The following KARS1 variants were observed in gnomAD, a reference collection of about 807,000 sequenced individuals.
KARS1 encodes the protein lysyl-tRNA synthetase 1, also known as lysine--tRNA ligase.
Under a neutral mutation model 63.9 loss-of-function variants are expected in KARS1, and 50 were observed. The ratio of observed to expected loss-of-function variants is 0.78; its 90% CI spans 0.62 to 0.99. The LOEUF (loss-of-function observed/expected upper bound fraction) is 0.99. Among genes scored for constraint, KARS1 ranks in the 50% least tolerant of loss-of-function variants. KARS1 has a pLI of 0.00. For missense variants in KARS1, 816 were observed against 754.5 expected (o/e 1.08, Z -0.95); for synonymous variants, 320 against 264.6 (o/e 1.21, Z -2.03).
Position 75,647,621 on chromosome 16 carries a change from C to A in KARS1, c.19G>T (p.Ala7Ser). The change falls in exon 1 of 14, where the codon GCC (alanine) becomes TCC (serine). Residue 7 changes from alanine to serine, a missense_variant. Physicochemically the swap from Ala to Ser is moderately conservative, Grantham distance 99. Coordinates refer to ENST00000302445, the MANE Select transcript of KARS1 (RefSeq NM_005548.3). ...TCGCTGCCATCCACTTTCACCTCGG[C>A]CGCCTGCACGGCCGCCATCTTCCCG... is the stretch of plus-strand genomic sequence containing the variant. MAAVQA[A>S]EVKVDGSEPK... 6.2e-7 allele frequency: 1 copy of A among 1,613,718 alleles called. No individual in the cohort carries two copies. The highest frequency in any genetic ancestry group is 8.5e-7 in the Non-Finnish European group (1 of 1,179,854).
chr16:75,633,115 G>C (rs4888441), intron 7 of KARS1, among the ~76,000 whole-genome samples: 61,021 of 151,954 alleles, frequency 0.4, 15,487 homozygotes, highest in East Asian at 0.84. Context: ...CCTCTCTTAC[G>C]ATGTTAATTA....
In KARS1 at chr16:75,640,352, G is replaced by GT. The variant is rs751523285; in HGVS notation, c.223-4dup. 2.9e-6 allele frequency: 4 copies of GT among 1,358,202 alleles called. No homozygotes were observed. The highest frequency in any genetic ancestry group is 2.0e-5 in the Admixed American group (1 of 49,814). The allele number at this position is 1,358,202 out of a possible 1,614,324, so 84.1% of individuals were successfully genotyped here. A position where few individuals can be genotyped will look rare whatever the true frequency, so the allele number is the denominator to read the frequency against. ...TGACTGCGGATTTTGTAGTATTGCT[G>GT]TTAAAAAAAAAAAAAAAAAAGCCCT... On this transcript the variant is annotated splice_polypyrimidine_tract_variant and splice_region_variant and intron_variant, in intron 2 of 13. Transcript: ENST00000302445.
rs1344718870 is a variant in KARS1 at position 75,631,702 on chromosome 16, T to C, written c.1069A>G (p.Met357Val). The change falls in exon 8 of 14, where the codon ATG becomes GTG. Residue 357 changes from methionine (M) to valine (V), a missense_variant. Coordinates refer to ENST00000302445, the MANE Select transcript of KARS1 (RefSeq NM_005548.3). ...AGAGAGCAGGAGTCACCTGAAACCATCTTCTCCGTGATTTCCATGAGATCG... is the reference window on the plus strand; with the variant it reads ...AGAGAGCAGGAGTCACCTGAAACCACCTTCTCCGTGATTTCCATGAGATCG... ...YHDLMEITEK[M>V]VSGMVKHITG... 2.5e-6 allele frequency: 4 copies of C among 1,614,154 alleles called. No individual in the cohort carries two copies. Among genetic ancestry groups the C allele is most frequent in the South Asian group, 2.2e-5 (2 of 91,078 alleles).
chr16:75,641,092 C>T (rs566811931), intron 2 of KARS1, among the ~76,000 whole-genome samples: 22 of 152,018 alleles, frequency 1.4e-4, no homozygotes, highest in South Asian at 4.2e-4. Flanking sequence ...TCACTTGAAC[C>T]GGGGAGGCGG....
intron 3 of KARS1, among the ~76,000 whole-genome samples, chr16:75,636,952 TTTTTTTTG>T (rs2082169103): frequency 1.5e-5 from 2 of 130,618 alleles, no homozygotes; most frequent in Admixed American, 1.6e-4. Context: ...CATTTTTTTT[TTTTTTTTG>T]GTCAGGGCAC....
chr16:75,635,802 T>C lies in KARS1; in HGVS notation c.673A>G (p.Thr225Ala), dbSNP rs1256756103. Residue 225 changes from threonine to alanine, a missense_variant, in exon 6 of 14, where the codon ACA becomes GCA. Thr to Ala is a moderately conservative substitution (Grantham distance 58, BLOSUM62 0). Transcript: ENST00000302445. ...HLHFGLKDKE[T>A]RYRQRYLDLI... ...TCCAAGTATCTCTGGCGATACCTTG[T>C]TTCCTAAACCAAAAGCAGCAGTTAG... 5.6e-6 allele frequency: 9 copies of C among 1,614,108 alleles called. No homozygotes were observed. The highest frequency in any genetic ancestry group is 6.8e-6 in the Non-Finnish European group (8 of 1,180,044).
chr16:75,645,157 C>T (rs1194539205), intron 1 of KARS1, among the ~76,000 whole-genome samples: 1 of 152,172 alleles, frequency 6.6e-6, no homozygotes, highest in African/African-American at 2.4e-5. Context: ...CTAAAAATTT[C>T]AGACCAAGGA....
At chr16:75,634,472 A>T (rs966580606) in intron 6 of KARS1, among the ~76,000 whole-genome samples, 180 bp from the exon 7 acceptor site, 30 of 152,238 alleles carry the variant, frequency 2.0e-4, no homozygotes, top group African/African-American at 7.2e-4. Flanking sequence ...ACAGTGTCTC[A>T]ATTTCTATTA....
intron 1 of KARS1, chr16:75,644,609 C>T (rs1007172437): frequency 2.7e-5 from 14 of 523,298 alleles, no homozygotes; most frequent in African/African-American, 2.5e-4. Context: ...TGATAGCAAC[C>T]CTGTAACACT....
At chr16:75,641,814 C>T (rs948072585) in intron 1 of KARS1, 91 bp from the exon 2 acceptor site, 23 of 1,340,654 alleles carry the variant, frequency 1.7e-5, no homozygotes, top group African/African-American at 2.9e-5. Context: ...CATGAATCGC[C>T]CAGGAGAAAC....
In KARS1 at chr16:75,640,334, G is replaced by A. The variant is rs1301615993; in HGVS notation, c.238C>T (p.Arg80Cys). ...TTCAGCTGATGAATTGCTTGACTGC[G>A]GATTTTGTAGTATTGCTGTTAAAAA... ...SVDPNQYYKI[R>C]SQAIHQLKVN... Residue 80 changes from arginine (R) to cysteine (C), a missense_variant, in exon 3 of 14, where the codon CGC becomes TGC. Transcript: ENST00000302445. 9.9e-6 allele frequency: 16 copies of A among 1,612,136 alleles called. No homozygotes were observed. Among genetic ancestry groups the A allele is most frequent in the Non-Finnish European group, 1.1e-5 (13 of 1,179,760 alleles).
At position 75,635,675 on chromosome 16, in the gene KARS1, C is replaced by G; in HGVS notation, c.795+5G>C. The G allele has an allele frequency of 1.9e-6, 3 of 1,613,756 alleles. No homozygotes were observed. The highest frequency in any genetic ancestry group is 4.5e-5 in the East Asian group (2 of 44,880). On this transcript the variant is annotated splice_donor_5th_base_variant and intron_variant, in intron 6 of 13. Coordinates refer to ENST00000302445, the MANE Select transcript of KARS1 (RefSeq NM_005548.3). ...TCATCACGTCAGGCAAGGAACTCTC[C>G]TTACCTCTAGGAATCCCAGCTCATC...
intron 10 of KARS1, among the ~76,000 whole-genome samples, chr16:75,630,865 C>T: frequency 6.6e-6 from 1 of 152,028 alleles, no homozygotes; most frequent in East Asian, 1.9e-4. Flanking sequence ...GAACTCCTGA[C>T]CTCAGGTGAT....
intron 11 of KARS1, 86 bp downstream of exon 11, chr16:75,630,337 A>G (rs2082097988): frequency 2.3e-6 from 2 of 885,008 alleles, no homozygotes; most frequent in Admixed American, 3.8e-5. Context: ...AAAGACCACC[A>G]GTCAAACCAC....
chr16:75,630,458 A>G lies in KARS1; in HGVS notation c.1389T>C (p.Cys463=), dbSNP rs1379738704. The G allele has an allele frequency of 2.5e-6, 4 of 1,611,822 alleles. No homozygotes were observed. The highest frequency in any genetic ancestry group is 1.3e-5 in the African/African-American group (1 of 74,894). ...AAGGGCTCATTATCTGTGGGTGATC[A>G]CAGATGAATGTAGGATTGATGCAAG... ...EVTCINPTFI[C]DHPQIMSPLA... The change falls in exon 11 of 14, where the codon TGT becomes TGC. Residue 463 remains cysteine (C), a synonymous_variant. Transcript: ENST00000302445.
At position 75,636,074 on chromosome 16, in the gene KARS1, A is replaced by G. The variant is rs1567501409; in HGVS notation, c.507T>C (p.Phe169=). The G allele has an allele frequency of 3.8e-6, 6 of 1,595,156 alleles. No homozygotes were observed. Among genetic ancestry groups the G allele is most frequent in the Non-Finnish European group, 5.2e-6 (6 of 1,162,890 alleles). The change falls in exon 5 of 14, where the codon TTT becomes TTC. Residue 169 remains phenylalanine, a synonymous_variant. Transcript: ENST00000302445. The part of the protein sequence containing the change: ...NSRNYKSEEE[F]IHINNKLRRG... Reference sequence around the variant, plus strand: ...GACGCAGTTTGTTATTAATATGAATAAATTCTTCTTCTGATTTATAATTTC... The same window carrying G: ...GACGCAGTTTGTTATTAATATGAATGAATTCTTCTTCTGATTTATAATTTC...
Position 75,640,226 on chromosome 16 carries a change from G to C in KARS1, c.346C>G (p.Gln116Glu), listed in dbSNP as rs2082208014. The C allele has an allele frequency of 1.2e-6, 2 of 1,613,982 alleles. No homozygotes were observed. The highest frequency in any genetic ancestry group is 1.7e-6 in the Non-Finnish European group (2 of 1,179,964). Residue 116 changes from glutamine to glutamate, a missense_variant, in exon 3 of 14, where the codon CAG becomes GAG. Physicochemically the swap from Gln to Glu is conservative, Grantham distance 29. Coordinates refer to ENST00000302445, the MANE Select transcript of KARS1 (RefSeq NM_005548.3). The part of the protein sequence containing the change: ...TDFIQKYSHL[Q>E]PGDHLTDITL... ...ATGTCAGTCAGGTGATCCCCAGGCT[G>C]CAGGTGACTATATTTTTGGATGAAG... is the stretch of plus-strand genomic sequence containing the variant.
At chr16:75,631,924 G>T in intron 7 of KARS1, 69 bp from the exon 8 acceptor site, 1 of 1,584,756 alleles carries the variant, frequency 6.3e-7, no homozygotes, top group Non-Finnish European at 8.6e-7. Flanking sequence ...TTTTGCTCTT[G>T]TTGCCTAGGC....
intron 1 of KARS1, among the ~76,000 whole-genome samples, chr16:75,646,785 A>G (rs1286125882): frequency 6.6e-6 from 1 of 151,776 alleles, no homozygotes; most frequent in African/African-American, 2.4e-5. Flanking sequence ...TAGCTGGGAT[A>G]ACAAGTGCGC....
Sources: gnomAD v4.1 joint callset for allele counts (sites outside exome capture counted in the v4.1 genomes callset) on GRCh38, gnomAD v4.1.1 for gene constraint, MANE v1.5 for transcripts, NCBI Gene and HGNC (gene_info 2026-07-23, HGNC 2026-07-21) for gene names.